The following PPFIA2 variants were observed in gnomAD, a reference collection of about 807,000 sequenced individuals.
The protein encoded by PPFIA2 is PPFI scaffold protein A2, also known as liprin-alpha-2.
A neutral mutation model predicts 175.5 loss-of-function variants in PPFIA2; 46 were observed. The observed-to-expected ratio is 0.26, with a 90% CI of 0.21 to 0.34. PPFIA2 has a LOEUF of 0.34. PPFIA2 is among the 10% of genes least tolerant of loss of function. The probability of loss-of-function intolerance (pLI) is 1.00; values close to 1 mark genes in which losing one functional copy is unlikely to be tolerated. For synonymous variants in PPFIA2, 568 were observed against 511.4 expected (o/e 1.11, Z -1.49); for missense variants, 1,179 against 1,506.1 (o/e 0.78, Z 3.60).
chr12:81,279,229 A>G (rs1202742407), intron 27 of PPFIA2: 1 of 152,312 alleles, frequency 6.6e-6, no homozygotes, highest in East Asian at 1.9e-4. Context: ...GGTGACCATC[A>G]GCAAGCCCAG....
intron 4 of PPFIA2, among the ~76,000 whole-genome samples, chr12:81,505,117 C>T (rs143020215): frequency 1.2e-4 from 18 of 152,034 alleles, no homozygotes; most frequent in East Asian, 3.9e-4. Context: ...AGTCTTTGTA[C>T]GTCCCAGTAA....
At chr12:81,574,664 G>A (rs116981083) in intron 4 of PPFIA2, among the ~76,000 whole-genome samples, 2 of 151,196 alleles carry the variant, frequency 1.3e-5, no homozygotes, top group Non-Finnish European at 1.5e-5. Flanking sequence ...ATAAAATTTT[G>A]CCTGTAGTTA....
chr12:81,621,514 T>C (rs1567606287), intron 4 of PPFIA2, among the ~76,000 whole-genome samples: 2 of 152,156 alleles, frequency 1.3e-5, no homozygotes, highest in African/African-American at 4.8e-5. Flanking sequence ...AGCTTTTGGA[T>C]TGAGAACAGT....
chr12:81,411,041 C>T (rs537231979), intron 7 of PPFIA2, among the ~76,000 whole-genome samples: 68 of 152,168 alleles, frequency 4.5e-4, no homozygotes, highest in African/African-American at 1.6e-3. Context: ...CTGTCACTTG[C>T]AACTAAAAGT....
chr12:81,393,467 G>A (rs755936441), intron 8 of PPFIA2, among the ~76,000 whole-genome samples: 18 of 152,002 alleles, frequency 1.2e-4, no homozygotes, highest in Non-Finnish European at 1.9e-4. Flanking sequence ...AGTCAAGTAG[G>A]CTCCCACATC....
intron 22 of PPFIA2, among the ~76,000 whole-genome samples, chr12:81,322,140 G>GTGGT (rs1374863016): frequency 6.6e-6 from 1 of 152,154 alleles, no homozygotes; most frequent in East Asian, 1.9e-4. Flanking sequence ...ACTGGCCTGT[G>GTGGT]TGGTTGGCTT....
intron 18 of PPFIA2, among the ~76,000 whole-genome samples, chr12:81,345,862 G>A (rs768628199): frequency 9.9e-5 from 15 of 152,106 alleles, no homozygotes; most frequent in Non-Finnish European, 2.1e-4. Context: ...ATGTAGTTCC[G>A]TATGTTTGGT....
chr12:81,625,168 T>C (rs969505766), intron 4 of PPFIA2, among the ~76,000 whole-genome samples: 1 of 151,838 alleles, frequency 6.6e-6, no homozygotes, highest in Non-Finnish European at 1.5e-5. Flanking sequence ...TATATATCTG[T>C]ATGACTACAT....
chr12:81,361,700 A>G (rs1449012211), intron 15 of PPFIA2, among the ~76,000 whole-genome samples: 3 of 151,622 alleles, frequency 2.0e-5, no homozygotes, highest in Non-Finnish European at 4.4e-5. Flanking sequence ...ACTATATGCA[A>G]GATAGTTTTT....
At chr12:81,549,928 C>T (rs117939108) in intron 4 of PPFIA2, among the ~76,000 whole-genome samples, 2,231 of 151,804 alleles carry the variant, frequency 0.015, 45 homozygotes, top group East Asian at 0.041. Context: ...ACTAAACCAT[C>T]CCCAAATAAT....
intron 7 of PPFIA2, among the ~76,000 whole-genome samples, chr12:81,434,446 G>A (rs1414419404): frequency 6.6e-6 from 1 of 152,016 alleles, no homozygotes; most frequent in East Asian, 1.9e-4. Flanking sequence ...TAATATGTCA[G>A]GTGAGAATGC....
rs2077869037 is a variant in PPFIA2 at position 81,711,235 on chromosome 12, A to G, written c.250-34391T>C. Among the ~76,000 whole-genome samples, 6 of 151,356 alleles carry G rather than the reference A, an allele frequency of 4.0e-5. 1 individual carries two copies. The Admixed American group carries it at 4.0e-4, about 10-fold the overall frequency. ...AGAGTGAGATTCTGTCTCAAAAAAT[A>G]AAAATAAAAAGAATATGAAATATTC... On this transcript the variant is annotated intron_variant, in intron 3 of 32. Transcript: ENST00000549396.
At chr12:81,522,036 T>C (rs1004388666) in intron 4 of PPFIA2, among the ~76,000 whole-genome samples, 3 of 152,196 alleles carry the variant, frequency 2.0e-5, no homozygotes, top group Non-Finnish European at 2.9e-5. Flanking sequence ...AATAAAATAT[T>C]TGAAATAAGT....
chr12:81,277,244 A>G lies in PPFIA2; in HGVS notation c.3310+73T>C. ...TACTGACCATTGTAACACATATAAC[A>G]TTTTAGGTTAGTAAAAGTGAAAGCT... On this transcript the variant is annotated intron_variant, in intron 28 of 32. Transcript: ENST00000549396. 3 of 1,303,208 alleles carry G rather than the reference A, an allele frequency of 2.3e-6. No homozygotes were observed. The South Asian group carries it at 4.6e-5, about 20-fold the overall frequency. The allele number at this position is 1,303,208 out of a possible 1,614,324, so 80.7% of individuals were successfully genotyped here. A position where few individuals can be genotyped will look rare whatever the true frequency, so the allele number is the denominator to read the frequency against.
intron 4 of PPFIA2, among the ~76,000 whole-genome samples, chr12:81,572,764 T>G (rs766609023): frequency 6.6e-6 from 1 of 151,922 alleles, no homozygotes; most frequent in Admixed American, 6.6e-5. Flanking sequence ...TAAAAGGAAC[T>G]GAGATCCTTT....
chr12:81,397,283 A>C (rs1157171747), intron 8 of PPFIA2, among the ~76,000 whole-genome samples: 1 of 151,938 alleles, frequency 6.6e-6, no homozygotes, highest in Non-Finnish European at 1.5e-5. Flanking sequence ...AGAAGAGAAG[A>C]AACTGGGAGT....
chr12:81,645,273 T>A (rs1018323492), intron 4 of PPFIA2, among the ~76,000 whole-genome samples: 2 of 152,130 alleles, frequency 1.3e-5, no homozygotes, highest in African/African-American at 2.4e-5. Flanking sequence ...ATTTTACTCA[T>A]CATATTTTTC....
At chr12:81,645,929 G>A (rs2065996662) in intron 4 of PPFIA2, among the ~76,000 whole-genome samples, 1 of 152,184 alleles carries the variant, frequency 6.6e-6, no homozygotes, top group Non-Finnish European at 1.5e-5. Flanking sequence ...TGCTGCTAGA[G>A]GAAGGGCAAG....
At chr12:81,410,284 T>A (rs1373440755) in intron 7 of PPFIA2, among the ~76,000 whole-genome samples, 1 of 152,182 alleles carries the variant, frequency 6.6e-6, no homozygotes. Flanking sequence ...CTTAACTCCG[T>A]ATCCTTATAC....
Sources: gnomAD v4.1 joint callset for allele counts (sites outside exome capture counted in the v4.1 genomes callset) on GRCh38, gnomAD v4.1.1 for gene constraint, MANE v1.5 for transcripts, NCBI Gene and HGNC (gene_info 2026-07-23, HGNC 2026-07-21) for gene names.